FGF14: variants seen among roughly 807,000 people sequenced by gnomAD.
The protein encoded by FGF14 is fibroblast growth factor 14, also known as fibroblast growth factor homologous factor 4.
FGF14 carries 5 observed loss-of-function variants against 25.5 expected under a neutral mutation model. The observed-to-expected ratio is 0.20, with a 90% CI of 0.10 to 0.41. The LOEUF is 0.41. FGF14 is among the 10% of genes least tolerant of loss of function. The pLI is 1.00. For missense variants in FGF14, 222 were observed against 320.1 expected (o/e 0.69, Z 2.34); for synonymous variants, 138 against 118.3 (o/e 1.17, Z -1.08).
chr13:102,226,942 T>C (rs1460075269), intron 1 of FGF14, among the ~76,000 whole-genome samples: 1 of 152,082 alleles, frequency 6.6e-6, no homozygotes, highest in Admixed American at 6.6e-5. Context: ...ATTTTTAAAC[T>C]TGACATCCTA....
At chr13:101,930,448 C>T (rs1332016948) in intron 1 of FGF14, among the ~76,000 whole-genome samples, 1 of 152,274 alleles carries the variant, frequency 6.6e-6, no homozygotes, top group East Asian at 1.9e-4. Context: ...AGTGTTAATA[C>T]TGTATTGATA....
At chr13:101,975,238 C>A (rs1395806996) in intron 1 of FGF14, among the ~76,000 whole-genome samples, 1 of 152,160 alleles carries the variant, frequency 6.6e-6, no homozygotes, top group Non-Finnish European at 1.5e-5. Flanking sequence ...TCACCTCCTA[C>A]CTTGTGCTGT....
chr13:101,950,345 A>G (rs1204821134), intron 1 of FGF14, among the ~76,000 whole-genome samples: 1 of 152,228 alleles, frequency 6.6e-6, no homozygotes, highest in Admixed American at 6.5e-5. Context: ...TATGAATAAA[A>G]AGCAACATTA....
intron 1 of FGF14, among the ~76,000 whole-genome samples, chr13:102,012,427 G>T (rs761830381): frequency 6.6e-6 from 1 of 152,102 alleles, no homozygotes; most frequent in East Asian, 1.9e-4. Context: ...GGCCTTTGGA[G>T]AATTTTTCTC....
chr13:102,094,353 TG>T (rs2044297252), intron 1 of FGF14, among the ~76,000 whole-genome samples: 1 of 152,184 alleles, frequency 6.6e-6, no homozygotes, highest in African/African-American at 2.4e-5. Context: ...GGAAGAGATT[TG>T]TTTTAAAAAT....
chr13:102,388,597 C>T (rs1410329363), intron 1 of FGF14, among the ~76,000 whole-genome samples: 4 of 152,184 alleles, frequency 2.6e-5, no homozygotes, highest in South Asian at 4.1e-4. Flanking sequence ...CGTATGCCTT[C>T]GATTCATCCC....
intron 1 of FGF14, among the ~76,000 whole-genome samples, chr13:102,146,768 A>G (rs1428200053): frequency 6.6e-6 from 1 of 152,232 alleles, no homozygotes; most frequent in African/African-American, 2.4e-5. Context: ...CATGAGTTTC[A>G]AACGATAAAA....
At chr13:101,900,497 C>A (rs1042691402) in intron 1 of FGF14, among the ~76,000 whole-genome samples, 3 of 152,120 alleles carry the variant, frequency 2.0e-5, no homozygotes, top group Non-Finnish European at 4.4e-5. Context: ...GACTTCACTA[C>A]AGATTTTATG....
chr13:102,116,393 T>C (rs1190646372), intron 1 of FGF14, among the ~76,000 whole-genome samples: 1 of 152,146 alleles, frequency 6.6e-6, no homozygotes, highest in Non-Finnish European at 1.5e-5. Flanking sequence ...TGTGCATGTG[T>C]ATATATGCAC....
At chr13:102,181,044 C>T (rs2048651189) in intron 1 of FGF14, among the ~76,000 whole-genome samples, 6 of 152,146 alleles carry the variant, frequency 3.9e-5, no homozygotes, top group Admixed American at 3.9e-4. Flanking sequence ...AGTCAGCCAG[C>T]TACAGCCTGC....
intron 1 of FGF14, among the ~76,000 whole-genome samples, chr13:102,097,759 C>A (rs551808420): frequency 2.2e-4 from 34 of 152,274 alleles, no homozygotes; most frequent in African/African-American, 7.7e-4. Flanking sequence ...TCCCAGAGCA[C>A]ATCTGTCAGA....
intron 1 of FGF14, among the ~76,000 whole-genome samples, chr13:102,139,995 C>T (rs556287919): frequency 2.0e-5 from 3 of 150,410 alleles, no homozygotes; most frequent in East Asian, 2.0e-4. Context: ...TACAAGCCTT[C>T]GTGTAACATC....
intron 3 of FGF14, among the ~76,000 whole-genome samples, chr13:101,790,431 T>C (rs1485500635): frequency 1.3e-5 from 2 of 151,850 alleles, no homozygotes; most frequent in East Asian, 3.9e-4. Context: ...TTTTTAACTT[T>C]TGTTTAGATT....
intron 1 of FGF14, among the ~76,000 whole-genome samples, chr13:102,048,025 A>T (rs374856770): frequency 1.5e-4 from 23 of 152,106 alleles, no homozygotes; most frequent in Middle Eastern, 6.8e-3. Flanking sequence ...GTTTAAAAAA[A>T]AAAAAAGCAG....
intron 1 of FGF14, among the ~76,000 whole-genome samples, chr13:102,264,916 G>T (rs9585881): frequency 5.9e-5 from 9 of 151,976 alleles, no homozygotes; most frequent in Admixed American, 5.9e-4. Flanking sequence ...GGCACAGCAC[G>T]GGATGGAGAA....
intron 3 of FGF14, among the ~76,000 whole-genome samples, chr13:101,755,228 GCATAA>G (rs570595149): frequency 3.9e-5 from 6 of 152,134 alleles, no homozygotes; most frequent in South Asian, 2.1e-4. Flanking sequence ...TCACAAAGAT[GCATAA>G]CATAAGAATA....
intron 1 of FGF14, among the ~76,000 whole-genome samples, chr13:101,969,559 C>T (rs1409991521): frequency 6.6e-6 from 1 of 152,026 alleles, no homozygotes; most frequent in Non-Finnish European, 1.5e-5. Flanking sequence ...TTTGTGAAAC[C>T]CTAATCAATA....
intron 3 of FGF14, among the ~76,000 whole-genome samples, chr13:101,743,839 A>G (rs1444415400): frequency 1.3e-5 from 2 of 152,116 alleles, no homozygotes; most frequent in Non-Finnish European, 1.5e-5. Flanking sequence ...GGGTTTACAA[A>G]TCAGGTATAT....
intron 1 of FGF14, among the ~76,000 whole-genome samples, chr13:102,052,196 A>C (rs1442413648): frequency 1.3e-5 from 2 of 152,180 alleles, no homozygotes; most frequent in Admixed American, 6.5e-5. Flanking sequence ...TTATTTGAAA[A>C]TATATAATCA....
Sources: allele counts gnomAD v4.1 joint callset (sites outside exome capture counted in the v4.1 genomes callset), GRCh38; gene constraint gnomAD v4.1.1; transcripts MANE v1.5; gene names NCBI Gene and HGNC (gene_info 2026-07-23, HGNC 2026-07-21).